CCSER1: variants seen among roughly 807,000 people sequenced by gnomAD.
The protein encoded by CCSER1 is coiled-coil serine rich protein 1.
Under a neutral mutation model 82.0 loss-of-function variants are expected in CCSER1, and 41 were observed. The ratio of observed to expected loss-of-function variants is 0.50; its 90% CI spans 0.39 to 0.65. The LOEUF is 0.65. Among genes scored for constraint, CCSER1 ranks in the 30% least tolerant of loss-of-function variants. The pLI is 0.00. For synonymous variants in CCSER1, 414 were observed against 383.9 expected, an observed-to-expected ratio of 1.08 and a Z score of -0.92; for missense variants, 1,119 against 1,064.2, an observed-to-expected ratio of 1.05 and a Z score of -0.72.
At chr4:90,244,221 A>G (rs1721013188) in intron 1 of CCSER1, among the ~76,000 whole-genome samples, 1 of 152,158 alleles carries the variant, frequency 6.6e-6, no homozygotes, top group African/African-American at 2.4e-5. Context: ...AAATTATGAG[A>G]TAGAGTTTTG....
intron 10 of CCSER1, among the ~76,000 whole-genome samples, chr4:91,479,535 C>T (rs1757775829): frequency 6.6e-6 from 1 of 151,422 alleles, no homozygotes; most frequent in Non-Finnish European, 1.5e-5. Context: ...AAAGGTAAAT[C>T]AAATCACCAC....
chr4:91,297,344 T>C (rs1659810159), intron 10 of CCSER1, among the ~76,000 whole-genome samples: 1 of 150,530 alleles, frequency 6.6e-6, no homozygotes, highest in Admixed American at 6.7e-5. Context: ...AATGTTCTGC[T>C]CACCTGAGGA....
At chr4:91,245,822 G>A (rs996418460) in intron 10 of CCSER1, among the ~76,000 whole-genome samples, 1 of 152,158 alleles carries the variant, frequency 6.6e-6, no homozygotes, top group African/African-American at 2.4e-5. Context: ...TCAGCCTCCT[G>A]AGTAGCTGGG....
chr4:91,042,565 T>C (rs1406169319), intron 9 of CCSER1, among the ~76,000 whole-genome samples: 3 of 152,202 alleles, frequency 2.0e-5, no homozygotes, highest in Non-Finnish European at 2.9e-5. Flanking sequence ...ATACAGGTAA[T>C]TCTGGTCTTT....
At chr4:90,567,013 TAAAAA>T (rs34691316) in intron 5 of CCSER1, among the ~76,000 whole-genome samples, 5 of 116,082 alleles carry the variant, frequency 4.3e-5, no homozygotes, top group Non-Finnish European at 6.5e-5. Flanking sequence ...TTTGCTTACT[TAAAAA>T]AAAAAACAAA....
chr4:90,508,461 C>T (rs754001278), intron 5 of CCSER1, among the ~76,000 whole-genome samples: 1 of 151,948 alleles, frequency 6.6e-6, no homozygotes, highest in Non-Finnish European at 1.5e-5. Context: ...TTCCCCGCTA[C>T]ATTTGGAATC....
At chr4:90,614,751 A>G (rs1211295151) in intron 5 of CCSER1, among the ~76,000 whole-genome samples, 1 of 152,214 alleles carries the variant, frequency 6.6e-6, no homozygotes, top group East Asian at 1.9e-4. Context: ...TCCATAAAAT[A>G]AAAGTGTAAG....
intron 10 of CCSER1, among the ~76,000 whole-genome samples, chr4:91,204,675 C>G (rs1466232281): frequency 6.6e-6 from 1 of 151,652 alleles, no homozygotes; most frequent in African/African-American, 2.4e-5. Flanking sequence ...AACATGTTCC[C>G]TTAAAATTAA....
intron 10 of CCSER1, among the ~76,000 whole-genome samples, chr4:91,453,401 C>G (rs1275535448): frequency 6.6e-6 from 1 of 152,034 alleles, no homozygotes; most frequent in Non-Finnish European, 1.5e-5. Context: ...TCTCAGGCCA[C>G]AGAGGGTCTC....
chr4:91,378,021 T>G (rs1222201819), intron 10 of CCSER1, among the ~76,000 whole-genome samples: 1 of 152,162 alleles, frequency 6.6e-6, no homozygotes, highest in Non-Finnish European at 1.5e-5. Context: ...TTTCCCCATT[T>G]CTTGTTTTTG....
chr4:90,304,748 T>A (rs1200634154), intron 1 of CCSER1, among the ~76,000 whole-genome samples: 1 of 151,944 alleles, frequency 6.6e-6, no homozygotes, highest in African/African-American at 2.4e-5. Flanking sequence ...TGTATACATA[T>A]GTAACTAACC....
At chr4:91,435,482 T>G (rs569849875) in intron 10 of CCSER1, among the ~76,000 whole-genome samples, 1 of 151,914 alleles carries the variant, frequency 6.6e-6, no homozygotes, top group African/African-American at 2.4e-5. Context: ...AAATTCAAAA[T>G]GCAAACTTGC....
chr4:90,215,168 C>G (rs1004605949), intron 1 of CCSER1, among the ~76,000 whole-genome samples: 1 of 152,148 alleles, frequency 6.6e-6, no homozygotes, highest in Admixed American at 6.5e-5. Flanking sequence ...TAAAGATTCT[C>G]CTAAGCATGT....
At chr4:91,141,440 C>A (rs1729019741) in intron 10 of CCSER1, among the ~76,000 whole-genome samples, 2 of 152,190 alleles carry the variant, frequency 1.3e-5, no homozygotes, top group South Asian at 4.1e-4. Context: ...GCATGAACCA[C>A]CATGCCTGGC....
rs755917830 is a variant in CCSER1, at chr4:90,175,006, A to C, written c.-42+47175A>C. On this transcript the variant is annotated intron_variant, in intron 1 of 10. Coordinates refer to ENST00000509176, the MANE Select transcript of CCSER1 (RefSeq NM_001145065.2). The stretch of plus-strand genomic sequence containing the variant: ...TGACCTAGCTATTCCAAACACAGGT[A>C]TTTACCCAAGATAAGTGAAAGCATG... Among the ~76,000 whole-genome samples, 6 of 151,986 alleles carry C rather than the reference A, an allele frequency of 3.9e-5. No individual in the cohort carries two copies. In the East Asian group the frequency reaches 9.7e-4, roughly 24 times the overall value.
intron 10 of CCSER1, among the ~76,000 whole-genome samples, chr4:91,183,652 T>C (rs1394231621): frequency 2.6e-5 from 4 of 152,152 alleles, no homozygotes; most frequent in Admixed American, 2.0e-4. Flanking sequence ...CGTGAATTAG[T>C]ATGTGGAAGA....
At chr4:90,569,571 C>T (rs1779861952) in intron 5 of CCSER1, among the ~76,000 whole-genome samples, 1 of 152,190 alleles carries the variant, frequency 6.6e-6, no homozygotes, top group South Asian at 2.1e-4. Context: ...CTCTGAGATC[C>T]TAGCTACAGG....
At chr4:91,595,677 G>C (rs1159725377) in intron 10 of CCSER1, among the ~76,000 whole-genome samples, 11 of 151,958 alleles carry the variant, frequency 7.2e-5, no homozygotes, top group Non-Finnish European at 4.4e-5. Flanking sequence ...TGGCAGCTTA[G>C]GAAGCTTAGG....
At chr4:91,406,674 C>T (rs1438003230) in intron 10 of CCSER1, among the ~76,000 whole-genome samples, 1 of 152,104 alleles carries the variant, frequency 6.6e-6, no homozygotes, top group South Asian at 2.1e-4. Flanking sequence ...TTTCCTGGTA[C>T]ATAAATAAAA....
Sources: gnomAD v4.1 joint callset for allele counts (sites outside exome capture counted in the v4.1 genomes callset) on GRCh38, gnomAD v4.1.1 for gene constraint, MANE v1.5 for transcripts, NCBI Gene and HGNC (gene_info 2026-07-23, HGNC 2026-07-21) for gene names.